The following ERBB4 variants were observed in gnomAD, a reference collection of about 807,000 sequenced individuals.
The protein encoded by ERBB4 is receptor tyrosine-protein kinase erbB-4.
ERBB4 carries 42 observed loss-of-function variants against 158.0 expected under a neutral mutation model. The observed-to-expected ratio is 0.27, with a 90% CI of 0.21 to 0.34. The LOEUF is 0.34. Among genes scored for constraint, ERBB4 ranks in the 10% least tolerant of loss-of-function variants. ERBB4 has a pLI of 1.00. For missense variants in ERBB4, 1,333 were observed against 1,624.1 expected (o/e 0.82, Z 3.08); for synonymous variants, 583 against 558.7 (o/e 1.04, Z -0.61).
chr2:211,732,916 G>A (rs927522886), intron 5 of ERBB4, among the ~76,000 whole-genome samples: 10 of 152,336 alleles, frequency 6.6e-5, no homozygotes, highest in African/African-American at 2.4e-4. Context: ...GGCGGAGGTT[G>A]CAGTGAGCCA....
intron 2 of ERBB4, among the ~76,000 whole-genome samples, chr2:212,048,710 A>G (rs2077321990): frequency 6.6e-6 from 1 of 152,158 alleles, no homozygotes; most frequent in Admixed American, 6.6e-5. Context: ...GGTGTCACGT[A>G]GTTAGTTGTA....
chr2:212,344,927 T>C (rs1238956167), intron 1 of ERBB4, among the ~76,000 whole-genome samples: 2 of 152,072 alleles, frequency 1.3e-5, no homozygotes, highest in Non-Finnish European at 2.9e-5. Context: ...ACATCTCTCA[T>C]AGGGTTGTTG....
chr2:212,350,735 A>T (rs1195708647), intron 1 of ERBB4, among the ~76,000 whole-genome samples: 1 of 152,160 alleles, frequency 6.6e-6, no homozygotes, highest in African/African-American at 2.4e-5. Context: ...GTTTTCAAGA[A>T]ATACACATCA....
chr2:211,814,334 C>T (rs1019110735), intron 3 of ERBB4, among the ~76,000 whole-genome samples: 2 of 151,914 alleles, frequency 1.3e-5, no homozygotes, highest in Non-Finnish European at 2.9e-5. Context: ...ACATTTTTGG[C>T]CAAACAGTGA....
intron 7 of ERBB4, among the ~76,000 whole-genome samples, chr2:211,714,901 G>A (rs770573871): frequency 4.6e-5 from 7 of 152,148 alleles, no homozygotes; most frequent in Non-Finnish European, 7.3e-5. Context: ...CACTGGGCTG[G>A]CCCCTCTCAG....
chr2:211,691,707 G>A (rs1273470443), intron 12 of ERBB4, among the ~76,000 whole-genome samples: 1 of 151,896 alleles, frequency 6.6e-6, no homozygotes, highest in Non-Finnish European at 1.5e-5. Context: ...CATTAAAGCT[G>A]AAATAAGAAG....
chr2:212,273,843 A>G (rs968868716), intron 1 of ERBB4, among the ~76,000 whole-genome samples: 2 of 151,830 alleles, frequency 1.3e-5, no homozygotes, highest in African/African-American at 4.8e-5. Flanking sequence ...GAGGTCACAT[A>G]GTGAGTAAGT....
intron 19 of ERBB4, among the ~76,000 whole-genome samples, chr2:211,597,167 G>GA (rs2068659160): frequency 6.6e-6 from 1 of 152,132 alleles, no homozygotes; most frequent in Non-Finnish European, 1.5e-5. Context: ...ATGGTCTATA[G>GA]AGAGGAGGGT....
chr2:212,483,748 T>G (rs190853148), intron 1 of ERBB4, among the ~76,000 whole-genome samples: 38 of 152,198 alleles, frequency 2.5e-4, no homozygotes, highest in Admixed American at 2.1e-3. Context: ...ATCATGGTCT[T>G]TTTTTTGAGA....
chr2:212,030,395 C>T (rs2076875955), intron 2 of ERBB4, among the ~76,000 whole-genome samples: 1 of 152,114 alleles, frequency 6.6e-6, no homozygotes, highest in Non-Finnish European at 1.5e-5. Flanking sequence ...AAGTTCCTCA[C>T]TCTCTTGGTT....
intron 25 of ERBB4, among the ~76,000 whole-genome samples, chr2:211,413,164 A>G (rs2063300859): frequency 6.6e-6 from 1 of 151,124 alleles, no homozygotes; most frequent in African/African-American, 2.4e-5. Context: ...TTACCCGGGC[A>G]TGGCAGTACA....
At chr2:212,140,860 T>C (rs1009002856) in intron 1 of ERBB4, among the ~76,000 whole-genome samples, 44 of 150,770 alleles carry the variant, frequency 2.9e-4, no homozygotes, top group African/African-American at 9.7e-4. Context: ...TGTGTGTGTG[T>C]GTGTGTGTGT....
chr2:212,402,601 A>G (rs1157299149), intron 1 of ERBB4, among the ~76,000 whole-genome samples: 3 of 152,112 alleles, frequency 2.0e-5, no homozygotes, highest in Non-Finnish European at 4.4e-5. Context: ...GTGTTAACTG[A>G]GCAAAATGTA....
rs537420741 is a variant in ERBB4, at chr2:211,937,972, T to C, written c.421+9458A>G. Among the ~76,000 whole-genome samples the C allele has an allele frequency of 7.2e-5, 11 of 152,246 alleles. No individual in the cohort carries two copies. In the East Asian group the frequency reaches 1.7e-3, roughly 24 times the overall value. ...TCTGACCAACAGAAAACCCAAGTCA[T>C]AGCAGCTTAAAACATATTTAGAAGC... On this transcript the variant is annotated intron_variant, in intron 3 of 27. Coordinates refer to ENST00000342788, the MANE Select transcript of ERBB4 (RefSeq NM_005235.3).
chr2:211,836,646 A>T (rs2077349228), intron 3 of ERBB4, among the ~76,000 whole-genome samples: 1 of 152,104 alleles, frequency 6.6e-6, no homozygotes, highest in African/African-American at 2.4e-5. Context: ...GAATAGTGAG[A>T]ACACTACAAA....
chr2:211,654,604 G>C (rs911439275), intron 16 of ERBB4, among the ~76,000 whole-genome samples: 1 of 152,070 alleles, frequency 6.6e-6, no homozygotes, highest in South Asian at 2.1e-4. Flanking sequence ...ATTTCAACTG[G>C]AGCAGTAAGT....
chr2:211,800,900 G>T (rs887497549), intron 3 of ERBB4, among the ~76,000 whole-genome samples: 1 of 152,028 alleles, frequency 6.6e-6, no homozygotes, highest in Non-Finnish European at 1.5e-5. Flanking sequence ...AAGTACTGTG[G>T]GAACTCTATG....
At chr2:212,423,219 C>T (rs982752961) in intron 1 of ERBB4, among the ~76,000 whole-genome samples, 2 of 151,972 alleles carry the variant, frequency 1.3e-5, no homozygotes, top group African/African-American at 4.8e-5. Context: ...GATCAGCATA[C>T]ATAGAGGAAC....
rs139424143 is a variant in ERBB4 at position 211,881,405 on chromosome 2, A to G, written c.421+66025T>C. On this transcript the variant is annotated intron_variant, in intron 3 of 27. Transcript: ENST00000342788. ...AAATACTGAGCCGCAAACATCGATAAGCAAGCTTGAAGCTTGCACGGGGGA... is the reference window on the plus strand; with the variant it reads ...AAATACTGAGCCGCAAACATCGATAGGCAAGCTTGAAGCTTGCACGGGGGA... Among the ~76,000 whole-genome samples the G allele has an allele frequency of 6.6e-4, 101 of 152,328 alleles. No homozygotes were observed. In the Middle Eastern group the frequency reaches 0.017, roughly 26 times the overall value.
Sources: allele counts gnomAD v4.1 joint callset (sites outside exome capture counted in the v4.1 genomes callset), GRCh38; gene constraint gnomAD v4.1.1; transcripts MANE v1.5; gene names NCBI Gene and HGNC (gene_info 2026-07-23, HGNC 2026-07-21).